Variants in FSTL5 observed in about 807,000 individuals in gnomAD.
The protein encoded by FSTL5 is follistatin-related protein 5.
FSTL5 carries 62 observed loss-of-function variants against 89.1 expected under a neutral mutation model. The observed-to-expected ratio is 0.70, with a 90% CI of 0.57 to 0.86. The LOEUF (loss-of-function observed/expected upper bound fraction) is 0.86, where lower values mean the gene tolerates loss of function less well. FSTL5 is among the 40% of genes least tolerant of loss of function. The pLI is 0.00. For missense variants in FSTL5, 1,057 were observed against 1,001.6 expected (o/e 1.06, Z -0.75); for synonymous variants, 383 against 346.2 (o/e 1.11, Z -1.18).
intron 6 of FSTL5, among the ~76,000 whole-genome samples, chr4:161,757,582 C>T (rs1267947339): frequency 6.6e-6 from 1 of 151,994 alleles, no homozygotes; most frequent in African/African-American, 2.4e-5. Context: ...TATTTCACCT[C>T]CTTCATATAA....
At chr4:161,421,121 C>T (rs1416250004) in intron 15 of FSTL5, among the ~76,000 whole-genome samples, 1 of 152,014 alleles carries the variant, frequency 6.6e-6, no homozygotes, top group Non-Finnish European at 1.5e-5. Flanking sequence ...GCAGGCGGAT[C>T]ACGAGGTCAG....
At chr4:161,818,678 A>G (rs1190559447) in intron 4 of FSTL5, among the ~76,000 whole-genome samples, 1 of 152,204 alleles carries the variant, frequency 6.6e-6, no homozygotes, top group African/African-American at 2.4e-5. Context: ...TCCCGTTTCA[A>G]TAATACTTTT....
chr4:161,589,553 A>G (rs574506695), intron 7 of FSTL5, among the ~76,000 whole-genome samples: 1 of 152,092 alleles, frequency 6.6e-6, no homozygotes, highest in African/African-American at 2.4e-5. Flanking sequence ...CCTGGCCTCA[A>G]GTGACCCTCC....
chr4:161,551,080 G>C (rs1732194779), intron 8 of FSTL5, among the ~76,000 whole-genome samples: 1 of 151,888 alleles, frequency 6.6e-6, no homozygotes, highest in Admixed American at 6.6e-5. Context: ...ATGATTTATA[G>C]TCCATTGAGT....
At chr4:161,471,607 G>T (rs1266853508) in intron 13 of FSTL5, among the ~76,000 whole-genome samples, 3 of 152,118 alleles carry the variant, frequency 2.0e-5, no homozygotes, top group Non-Finnish European at 4.4e-5. Flanking sequence ...AATATTTTTA[G>T]TAAGGTTTGA....
intron 3 of FSTL5, among the ~76,000 whole-genome samples, chr4:161,963,246 T>C (rs1735230912): frequency 6.6e-6 from 1 of 151,976 alleles, no homozygotes; most frequent in Admixed American, 6.6e-5. Flanking sequence ...TGTAGACTTG[T>C]TCTTAAGACA....
At chr4:162,132,594 A>C (rs1732347779) in intron 1 of FSTL5, among the ~76,000 whole-genome samples, 1 of 152,066 alleles carries the variant, frequency 6.6e-6, no homozygotes, top group Non-Finnish European at 1.5e-5. Context: ...ACACAAAAAT[A>C]CCTACATTTC....
intron 3 of FSTL5, among the ~76,000 whole-genome samples, chr4:161,987,058 T>C (rs182350677): frequency 6.6e-6 from 1 of 152,232 alleles, no homozygotes; most frequent in Admixed American, 6.5e-5. Flanking sequence ...CCTAAATCTA[T>C]AGTAGCTCCA....
chr4:161,729,959 A>C, intron 6 of FSTL5, among the ~76,000 whole-genome samples: 1 of 152,196 alleles, frequency 6.6e-6, no homozygotes, highest in East Asian at 1.9e-4. Flanking sequence ...ATAGTGTTTT[A>C]GTAATTTATT....
At chr4:162,011,115 TAGG>T (rs1403194057) in intron 3 of FSTL5, among the ~76,000 whole-genome samples, 1 of 152,104 alleles carries the variant, frequency 6.6e-6, no homozygotes, top group Non-Finnish European at 1.5e-5. Context: ...CTCTAATTGT[TAGG>T]AGAAGTGTAC....
intron 6 of FSTL5, among the ~76,000 whole-genome samples, chr4:161,723,843 T>C (rs1299120924): frequency 6.6e-6 from 1 of 152,058 alleles, no homozygotes; most frequent in East Asian, 1.9e-4. Context: ...ATTTAATAAG[T>C]GGGAAAAGAT....
chr4:161,985,622 T>A (rs1364156232), intron 3 of FSTL5, among the ~76,000 whole-genome samples: 5 of 151,874 alleles, frequency 3.3e-5, no homozygotes, highest in African/African-American at 9.7e-5. Context: ...CATGCACTTA[T>A]ATGAATACTT....
At chr4:162,159,665 A>G (rs1034398774) in intron 1 of FSTL5, among the ~76,000 whole-genome samples, 5 of 152,028 alleles carry the variant, frequency 3.3e-5, no homozygotes, top group Non-Finnish European at 5.9e-5. Context: ...ACAGAGGTGC[A>G]TGGCTTATTA....
intron 8 of FSTL5, among the ~76,000 whole-genome samples, chr4:161,566,117 TATATATATATATATATATAC>T (rs1327141699): frequency 1.8e-5 from 2 of 108,862 alleles, no homozygotes; most frequent in African/African-American, 7.3e-5. Context: ...TATATATATA[TATATATATATATATATATAC>T]ACACACACAC....
intron 4 of FSTL5, among the ~76,000 whole-genome samples, chr4:161,884,389 G>C (rs1732735210): frequency 6.6e-6 from 1 of 152,072 alleles, no homozygotes; most frequent in African/African-American, 2.4e-5. Flanking sequence ...ACAAATATAA[G>C]GAATTAATAT....
At chr4:161,671,982 G>A (rs1275367610) in intron 6 of FSTL5, among the ~76,000 whole-genome samples, 1 of 152,166 alleles carries the variant, frequency 6.6e-6, no homozygotes, top group Non-Finnish European at 1.5e-5. Context: ...ATCATTCACA[G>A]TACTAATCTG....
chr4:161,508,408 C>T (rs1201546696), intron 11 of FSTL5, among the ~76,000 whole-genome samples: 1 of 152,084 alleles, frequency 6.6e-6, no homozygotes, highest in African/African-American at 2.4e-5. Context: ...AAGACGCACA[C>T]TTGTTTTATG....
chr4:161,832,188 T>A (rs1004818393), intron 4 of FSTL5, among the ~76,000 whole-genome samples: 1 of 151,988 alleles, frequency 6.6e-6, no homozygotes, highest in Non-Finnish European at 1.5e-5. Flanking sequence ...CTAACGAAGT[T>A]CCCAGGGAAA....
chr4:161,599,837 C>A (rs1445901633), intron 7 of FSTL5, among the ~76,000 whole-genome samples: 1 of 151,876 alleles, frequency 6.6e-6, no homozygotes, highest in Admixed American at 6.6e-5. Flanking sequence ...AATTTGTATT[C>A]TTTCTCCAAA....
Sources: allele counts gnomAD v4.1 joint callset (sites outside exome capture counted in the v4.1 genomes callset), GRCh38; gene constraint gnomAD v4.1.1; transcripts MANE v1.5; gene names NCBI Gene and HGNC (gene_info 2026-07-23, HGNC 2026-07-21).